Variants in LRIG3 observed in about 807,000 individuals in gnomAD.
The protein encoded by LRIG3 is leucine-rich repeats and immunoglobulin-like domains protein 3.
Under a neutral mutation model 114.5 loss-of-function variants are expected in LRIG3, and 76 were observed. The observed-to-expected ratio is 0.66, with a 90% CI of 0.55 to 0.80. The LOEUF (loss-of-function observed/expected upper bound fraction) is 0.80, where lower values mean the gene tolerates loss of function less well. Among genes scored for constraint, LRIG3 ranks in the 30% least tolerant of loss-of-function variants. The pLI is 0.00. For missense variants in LRIG3, 1,239 were observed against 1,382.8 expected (o/e 0.90, Z 1.65); for synonymous variants, 512 against 519.8 (o/e 0.98, Z 0.20).
At chr12:58,915,151 A>G (rs780100706) in intron 1 of LRIG3, among the ~76,000 whole-genome samples, 3 of 152,240 alleles carry the variant, frequency 2.0e-5, no homozygotes, top group Non-Finnish European at 4.4e-5. Flanking sequence ...AAAATATGGA[A>G]CAAATTCCAG....
At chr12:58,874,772 C>A (rs1362689714) in intron 16 of LRIG3, among the ~76,000 whole-genome samples, 199 bp from the exon 17 acceptor site, 1 of 152,148 alleles carries the variant, frequency 6.6e-6, no homozygotes, top group East Asian at 1.9e-4. Context: ...GTGTGGTGGC[C>A]TTATTGCTCA....
Position 58,874,349 on chromosome 12 carries a change from G to A in LRIG3, c.2840-19C>T, listed in dbSNP as rs2120865066. On this transcript the variant is annotated intron_variant, in intron 17 of 18. Transcript: ENST00000320743. ...CTGCAACCTTTTTAATATGGGGGCA[G>A]TAACAGAAGGAGATTACAGTTAGCA... 1 of 1,606,872 alleles carries A rather than the reference G, an allele frequency of 6.2e-7. No homozygotes were observed. The highest frequency in any genetic ancestry group is 2.2e-5 in the East Asian group (1 of 44,812).
intron 3 of LRIG3, among the ~76,000 whole-genome samples, chr12:58,891,903 A>C (rs1592301558): frequency 1.3e-5 from 2 of 152,226 alleles, no homozygotes; most frequent in Admixed American, 6.5e-5. Context: ...ACTTAGTCAC[A>C]GTAGCCACAT....
At chr12:58,912,566 C>G (rs1383328585) in intron 3 of LRIG3, among the ~76,000 whole-genome samples, 1 of 152,194 alleles carries the variant, frequency 6.6e-6, no homozygotes, top group Non-Finnish European at 1.5e-5. Flanking sequence ...TTAATGCTCT[C>G]AACGCTATAC....
At chr12:58,894,380 T>C (rs575665124) in intron 3 of LRIG3, among the ~76,000 whole-genome samples, 1 of 152,318 alleles carries the variant, frequency 6.6e-6, no homozygotes, top group African/African-American at 2.4e-5. Context: ...GCTCTCAGAC[T>C]AACTGGCAAG....
At chr12:58,895,186 G>T (rs1167781022) in intron 3 of LRIG3, among the ~76,000 whole-genome samples, 1 of 152,228 alleles carries the variant, frequency 6.6e-6, no homozygotes, top group African/African-American at 2.4e-5. Context: ...AGTTCTACAT[G>T]AGCAAGATGG....
intron 1 of LRIG3, 133 bp downstream of exon 1, chr12:58,919,867 C>A: frequency 1.0e-6 from 1 of 953,864 alleles, no homozygotes; most frequent in Non-Finnish European, 1.6e-6. Flanking sequence ...CACGGAGCGC[C>A]GATCGCGGCC....
At position 58,880,157 on chromosome 12, in the gene LRIG3, A is replaced by G. The variant is rs566616094; in HGVS notation, c.1801+424T>C. ...TAAAAATACAAAAAATTGGCCGGGC[A>G]TGGTGGCGCACGCCTGTAATCCCAG... On this transcript the variant is annotated intron_variant, in intron 13 of 18. Coordinates refer to ENST00000320743, the MANE Select transcript of LRIG3 (RefSeq NM_153377.5). Among the ~76,000 whole-genome samples the G allele has an allele frequency of 1.5e-3, 230 of 152,132 alleles. 6 individuals are homozygous for G. The South Asian group carries it at 0.031, about 20-fold the overall frequency.
chr12:58,915,405 T>C (rs1307677664), intron 1 of LRIG3, among the ~76,000 whole-genome samples: 1 of 152,146 alleles, frequency 6.6e-6, no homozygotes, highest in Non-Finnish European at 1.5e-5. Context: ...TATGCATAAG[T>C]ACACCCCTCC....
rs1044645495 is a variant in LRIG3, at chr12:58,920,338, G to C, written c.-103C>G. On this transcript the variant is annotated 5_prime_UTR_variant, in exon 1 of 19. Coordinates refer to ENST00000320743, the MANE Select transcript of LRIG3 (RefSeq NM_153377.5). ...AGGGTGCACGCCCGCCCTCGCGGTC[G>C]CGTGCGCGCTCCTCCCTCGCGCTGC... The C allele has an allele frequency of 3.6e-6, 3 of 836,010 alleles. No homozygotes were observed. The highest frequency in any genetic ancestry group is 3.3e-6 in the Non-Finnish European group (2 of 612,302). The allele number at this position is 836,010 out of a possible 1,614,324, so 51.8% of individuals were successfully genotyped here.
At chr12:58,914,206 A>C (rs545520088) in intron 2 of LRIG3, 59 bp downstream of exon 2, 44 of 1,536,676 alleles carry the variant, frequency 2.9e-5, no homozygotes, top group Non-Finnish European at 3.9e-5. Flanking sequence ...TTACGGTTAA[A>C]TAGTATAAGG....
chr12:58,874,687 A>G (rs1455314580), intron 16 of LRIG3, 114 bp from the exon 17 acceptor site: 1 of 1,413,684 alleles, frequency 7.1e-7, no homozygotes, highest in African/African-American at 1.4e-5. Context: ...AACATCATAT[A>G]GACAAAAAAA....
intron 3 of LRIG3, among the ~76,000 whole-genome samples, chr12:58,909,381 CCTTT>C (rs1398912299): frequency 3.9e-5 from 6 of 152,124 alleles, no homozygotes; most frequent in South Asian, 2.1e-4. Context: ...CCTTCATTCT[CCTTT>C]CTTTCTCTTC....
intron 12 of LRIG3, 83 bp from the exon 13 acceptor site, chr12:58,880,984 G>C: frequency 7.5e-7 from 1 of 1,325,910 alleles, no homozygotes; most frequent in Non-Finnish European, 1.1e-6. Flanking sequence ...ACCAAGAAAT[G>C]CAAAAACAGT....
chr12:58,880,309 A>G (rs1871080387), intron 13 of LRIG3: 1 of 552,354 alleles, frequency 1.8e-6, no homozygotes, highest in Non-Finnish European at 3.3e-6. Flanking sequence ...CAAAAAAAAA[A>G]AAAAGAAAAA....
rs1870759196 is a variant in LRIG3 at position 58,872,167 on chromosome 12, A to C, written c.*405T>G. 1 of 152,814 alleles carries C rather than the reference A, an allele frequency of 6.5e-6. No individual in the cohort carries two copies. Among genetic ancestry groups the C allele is most frequent in the African/African-American group, 2.4e-5 (1 of 41,470 alleles). The allele number at this position is 152,814 out of a possible 1,614,324, so 9.5% of individuals were successfully genotyped here. A position where few individuals can be genotyped will look rare whatever the true frequency, so the allele number is the denominator to read the frequency against. On this transcript the variant is annotated 3_prime_UTR_variant, in exon 19 of 19. Coordinates refer to ENST00000320743, the MANE Select transcript of LRIG3 (RefSeq NM_153377.5). ...ATGGGGCTTGGCATCAAATTGACAC[A>C]TTTTATTAAATATAATGTGCAAAAT...
chr12:58,920,190 G>A lies in LRIG3; in HGVS notation c.46C>T (p.Leu16=), dbSNP rs1376961929. The A allele has an allele frequency of 3.3e-6, 5 of 1,498,076 alleles. No individual in the cohort carries two copies. The East Asian group carries it at 1.0e-4, about 31-fold the overall frequency. The allele number at this position is 1,498,076 out of a possible 1,614,324, so 92.8% of individuals were successfully genotyped here. The change falls in exon 1 of 19, where the codon CTG becomes TTG. Residue 16 remains leucine, a synonymous_variant. Transcript: ENST00000320743. ...LRARAAGLGL[L]LCAVLGRAGR... Reference sequence around the variant, plus strand: ...GCGCGCCCCAGCACCGCGCACAGCAGCAGCCCCAACCCCGCGGCGCGCGCA... The same window carrying A: ...GCGCGCCCCAGCACCGCGCACAGCAACAGCCCCAACCCCGCGGCGCGCGCA...
At chr12:58,903,427 G>A (rs930634329) in intron 3 of LRIG3, among the ~76,000 whole-genome samples, 38 of 152,002 alleles carry the variant, frequency 2.5e-4, no homozygotes, top group Non-Finnish European at 5.1e-4. Flanking sequence ...TTTTTTTCTT[G>A]TAAATTTGTT....
At position 58,906,951 on chromosome 12, in the gene LRIG3, TA is replaced by T. The variant is rs77233148; in HGVS notation, c.383+7030del. On this transcript the variant is annotated intron_variant, in intron 3 of 18. Coordinates refer to ENST00000320743, the MANE Select transcript of LRIG3 (RefSeq NM_153377.5). ...ACTGTAGTCATTTTATTCCCCTGCT[TA>T]AAAAAAAAAAAAAAAGTCTTCAATG... Among the ~76,000 whole-genome samples the T allele has an allele frequency of 9.2e-3, 1,220 of 132,504 alleles. 3 individuals are homozygous for T. Among genetic ancestry groups the T allele is most frequent in the African/African-American group, 0.017 (626 of 36,176 alleles). The allele number at this position is 132,504 out of a possible 152,430, so 86.9% of individuals were successfully genotyped here. A position where few individuals can be genotyped will look rare whatever the true frequency, so the allele number is the denominator to read the frequency against.
Sources: gnomAD v4.1 joint callset for allele counts (sites outside exome capture counted in the v4.1 genomes callset) on GRCh38, gnomAD v4.1.1 for gene constraint, MANE v1.5 for transcripts, NCBI Gene and HGNC (gene_info 2026-07-23, HGNC 2026-07-21) for gene names.